NF1: variants seen among roughly 807,000 people sequenced by gnomAD.
The protein encoded by NF1 is neurofibromin.
NF1 carries 122 observed loss-of-function variants against 325.7 expected under a neutral mutation model. That is an observed-to-expected ratio of 0.37 (90% confidence interval 0.32 to 0.44). The LOEUF (loss-of-function observed/expected upper bound fraction) is 0.44. NF1 is among the 20% of genes least tolerant of loss of function. The pLI is 1.00. For missense variants in NF1, 2,140 were observed against 3,415.4 expected (o/e 0.63, Z 9.31); for synonymous variants, 1,091 against 1,186.0 (o/e 0.92, Z 1.65).
intron 57 of NF1, among the ~76,000 whole-genome samples, chr17:31,373,214 T>TA (rs1347877701): frequency 6.6e-6 from 1 of 152,178 alleles, no homozygotes; most frequent in Non-Finnish European, 1.5e-5. Flanking sequence ...GCACTGTGAT[T>TA]AAAAAAATAA....
chr17:31,352,149 T>C, intron 50 of NF1, 108 bp from the exon 51 acceptor site: 1 of 1,012,646 alleles, frequency 9.9e-7, no homozygotes, highest in Non-Finnish European at 1.5e-6. Flanking sequence ...ATTTTAAAAT[T>C]AATTGATTGC....
chr17:31,198,847 G>C (rs2066478836), intron 8 of NF1, among the ~76,000 whole-genome samples: 1 of 152,040 alleles, frequency 6.6e-6, no homozygotes, highest in Admixed American at 6.6e-5. Flanking sequence ...TTAAACTCCT[G>C]ACCTCAAGTG....
rs772928059 is a variant in NF1 at position 31,226,698 on chromosome 17, G to A, written c.2251+14G>A. 1.2e-6 allele frequency: 2 copies of A among 1,613,482 alleles called. No homozygotes were observed. Among genetic ancestry groups the A allele is most frequent in the Non-Finnish European group, 1.7e-6 (2 of 1,179,736 alleles). ...TGATGTCAACAGGTAAATGTGAATAGTGGTTTTTTTTACTCAGTCTGCCTC... is the reference window on the plus strand; with the variant it reads ...TGATGTCAACAGGTAAATGTGAATAATGGTTTTTTTTACTCAGTCTGCCTC... On this transcript the variant is annotated intron_variant, in intron 18 of 57. Coordinates refer to ENST00000358273, the MANE Select transcript of NF1 (RefSeq NM_001042492.3).
chr17:31,304,304 G>C lies in NF1; in HGVS notation c.4836-21516G>C, dbSNP rs768068548. ...GGTGGAGGTGGCAGGGATTCATTAA[G>C]ATCTTGATCAGAGTTGGGAGGAATA... On this transcript the variant is annotated intron_variant, in intron 36 of 57. Transcript: ENST00000358273. 87 of 1,613,458 alleles carry C rather than the reference G, an allele frequency of 5.4e-5. No individual in the cohort carries two copies. Among genetic ancestry groups the C allele is most frequent in the Non-Finnish European group, 6.9e-5 (81 of 1,179,810 alleles).
chr17:31,241,518 T>C (rs1453216193), intron 29 of NF1, among the ~76,000 whole-genome samples: 1 of 152,244 alleles, frequency 6.6e-6, no homozygotes, highest in African/African-American at 2.4e-5. Flanking sequence ...ATCTGTTGTA[T>C]GTTTTTGATT....
At chr17:31,108,269 T>G (rs977684697) in intron 1 of NF1, among the ~76,000 whole-genome samples, 3,192 of 35,858 alleles carry the variant, frequency 0.089, 246 homozygotes, top group African/African-American at 0.13. Context: ...AGAGTTTTTT[T>G]TTTTTTTTTT....
At chr17:31,212,200 GCCTAGGCC>G (rs2066740003) in intron 12 of NF1, among the ~76,000 whole-genome samples, 1 of 152,044 alleles carries the variant, frequency 6.6e-6, no homozygotes, top group South Asian at 2.1e-4. Flanking sequence ...ATACACGTTA[GCCTAGGCC>G]TACATGGGGT....
intron 29 of NF1, among the ~76,000 whole-genome samples, chr17:31,247,055 CGTG>C (rs1660009561): frequency 2.6e-5 from 4 of 151,660 alleles, no homozygotes; most frequent in Admixed American, 2.6e-4. Flanking sequence ...ATTACCTGGG[CGTG>C]GTGGTGGTGC....
At position 31,332,412 on chromosome 17, in the gene NF1, C is replaced by T. The variant is rs17880965; in HGVS notation, c.5812+1914C>T. The stretch of plus-strand genomic sequence containing the variant: ...CCAGGAGGCAGAGGTTGCAGTGAGC[C>T]GAGATCACTCCACTGCACTCCAGCC... On this transcript the variant is annotated intron_variant, in intron 39 of 57. Coordinates refer to ENST00000358273, the MANE Select transcript of NF1 (RefSeq NM_001042492.3). 4.5e-3 allele frequency among the ~76,000 whole-genome samples: 682 copies of T among 151,410 alleles called. 4 individuals are homozygous for T. Among genetic ancestry groups the T allele is most frequent in the Admixed American group, 0.013 (201 of 15,228 alleles).
At chr17:31,282,118 C>G (rs995125919) in intron 36 of NF1, among the ~76,000 whole-genome samples, 3 of 151,564 alleles carry the variant, frequency 2.0e-5, no homozygotes, top group Admixed American at 6.6e-5. Flanking sequence ...CGTGGTGGTT[C>G]ACGCCTGTAA....
chr17:31,292,322 T>G (rs2068359225), intron 36 of NF1, among the ~76,000 whole-genome samples: 1 of 152,240 alleles, frequency 6.6e-6, no homozygotes, highest in Non-Finnish European at 1.5e-5. Flanking sequence ...GAAATTTTTC[T>G]GGAGCCAGGA....
At chr17:31,231,577 A>G (rs1364404764) in intron 24 of NF1, among the ~76,000 whole-genome samples, 2 of 152,204 alleles carry the variant, frequency 1.3e-5, no homozygotes, top group Non-Finnish European at 2.9e-5. Context: ...CATATAAACT[A>G]TACACATCCT....
intron 11 of NF1, 94 bp downstream of exon 11, chr17:31,201,579 A>G (rs2066532025): frequency 3.3e-6 from 3 of 920,044 alleles, no homozygotes; most frequent in Admixed American, 1.9e-5. Context: ...TTGGTTTTCA[A>G]AAAGGTTCTG....
At chr17:31,143,936 C>G (rs1289846778) in intron 1 of NF1, among the ~76,000 whole-genome samples, 3 of 152,136 alleles carry the variant, frequency 2.0e-5, no homozygotes, top group Non-Finnish European at 2.9e-5. Flanking sequence ...ATTCTCCCGC[C>G]TCAGCCTCCC....
Position 31,118,494 on chromosome 17 carries a change from T to C in NF1, c.60+23125T>C, listed in dbSNP as rs1434798972. Among the ~76,000 whole-genome samples, 3 of 152,076 alleles carry C rather than the reference T, an allele frequency of 2.0e-5. No individual in the cohort carries two copies. The East Asian group carries it at 5.8e-4, about 29-fold the overall frequency. ...TGTGATGTTCCCCTCTGTGTGTCCATGTGTTTTCATTGCTCAACTCGTACT... is the reference window on the plus strand; with the variant it reads ...TGTGATGTTCCCCTCTGTGTGTCCACGTGTTTTCATTGCTCAACTCGTACT... On this transcript the variant is annotated intron_variant, in intron 1 of 57. Coordinates refer to ENST00000358273, the MANE Select transcript of NF1 (RefSeq NM_001042492.3).
At chr17:31,316,303 A>G (rs182279270) in intron 36 of NF1, among the ~76,000 whole-genome samples, 2 of 152,196 alleles carry the variant, frequency 1.3e-5, no homozygotes, top group Non-Finnish European at 2.9e-5. Flanking sequence ...CTTACCTACC[A>G]TTTTAAAATA....
intron 2 of NF1, among the ~76,000 whole-genome samples, chr17:31,156,576 G>A (rs1209968752): frequency 6.6e-6 from 1 of 152,172 alleles, no homozygotes; most frequent in Non-Finnish European, 1.5e-5. Flanking sequence ...GTCCTAAAAT[G>A]TGGATTGATT....
intron 36 of NF1, among the ~76,000 whole-genome samples, chr17:31,302,308 A>T (rs11080150): frequency 6.6e-6 from 1 of 151,838 alleles, no homozygotes. Flanking sequence ...GTATTTCCCT[A>T]TTTTTCCCTG....
intron 36 of NF1, among the ~76,000 whole-genome samples, chr17:31,302,734 A>G (rs1416528155): frequency 6.6e-6 from 1 of 151,906 alleles, no homozygotes; most frequent in Non-Finnish European, 1.5e-5. Context: ...AGTCCCAGCT[A>G]CTCAGTAGGC....
Sources: allele counts gnomAD v4.1 joint callset (sites outside exome capture counted in the v4.1 genomes callset), GRCh38; gene constraint gnomAD v4.1.1; transcripts MANE v1.5; gene names NCBI Gene and HGNC (gene_info 2026-07-23, HGNC 2026-07-21).